Variants in ROBO2 observed in about 807,000 individuals in gnomAD.
ROBO2 encodes roundabout homolog 2.
Under a neutral mutation model 160.8 loss-of-function variants are expected in ROBO2, and 53 were observed. The ratio of observed to expected loss-of-function variants is 0.33; its 90% confidence interval spans 0.26 to 0.41. The LOEUF (loss-of-function observed/expected upper bound fraction) is 0.41. Among genes scored for constraint, ROBO2 ranks in the 10% least tolerant of loss-of-function variants. The pLI is 1.00. For synonymous variants in ROBO2, 664 were observed against 611.7 expected, an observed-to-expected ratio of 1.09 and a Z score of -1.26; for missense variants, 1,577 against 1,722.4, an observed-to-expected ratio of 0.92 and a Z score of 1.49.
At chr3:76,454,046 A>G (rs2077618618) in intron 2 of ROBO2, among the ~76,000 whole-genome samples, 3 of 152,176 alleles carry the variant, frequency 2.0e-5, no homozygotes, top group Admixed American at 2.0e-4. Context: ...AGACACTAAA[A>G]TTGATGCAGA....
At chr3:77,219,432 GTGTATATA>G (rs374558025) in intron 2 of ROBO2, among the ~76,000 whole-genome samples, 114 of 76,764 alleles carry the variant, frequency 1.5e-3, no homozygotes, top group African/African-American at 5.0e-3. Context: ...GTGTATGTGT[GTGTATATA>G]TATATATATA....
At chr3:76,923,745 C>G (rs890559846) in intron 2 of ROBO2, among the ~76,000 whole-genome samples, 1 of 152,204 alleles carries the variant, frequency 6.6e-6, no homozygotes, top group African/African-American at 2.4e-5. Flanking sequence ...TGCTGACAGC[C>G]TGAAACTGAG....
At chr3:77,326,284 T>G (rs1189049161) in intron 2 of ROBO2, among the ~76,000 whole-genome samples, 1 of 152,208 alleles carries the variant, frequency 6.6e-6, no homozygotes, top group African/African-American at 2.4e-5. Flanking sequence ...AATTTTGTGA[T>G]TAATAATCTC....
At chr3:76,218,833 C>G (rs1703749407) in intron 2 of ROBO2, among the ~76,000 whole-genome samples, 1 of 151,958 alleles carries the variant, frequency 6.6e-6, no homozygotes, top group South Asian at 2.1e-4. Flanking sequence ...CATATGGAAC[C>G]AAAAAGAGCC....
intron 1 of ROBO2, among the ~76,000 whole-genome samples, chr3:77,093,211 C>T (rs1472956350): frequency 6.6e-6 from 1 of 152,098 alleles, no homozygotes; most frequent in African/African-American, 2.4e-5. Context: ...TTCAGATATG[C>T]TGGTATGGGC....
At chr3:76,234,488 A>G (rs1401142938) in intron 2 of ROBO2, among the ~76,000 whole-genome samples, 1 of 152,188 alleles carries the variant, frequency 6.6e-6, no homozygotes, top group Non-Finnish European at 1.5e-5. Flanking sequence ...CAAACCTAAC[A>G]GGTTTTCACC....
chr3:76,387,008 A>G (rs1475261152), intron 2 of ROBO2, among the ~76,000 whole-genome samples: 1 of 152,192 alleles, frequency 6.6e-6, no homozygotes, highest in African/African-American at 2.4e-5. Context: ...ATTTTATATG[A>G]TAGAGATCTG....
chr3:76,127,375 A>C (rs2071029343), intron 2 of ROBO2, among the ~76,000 whole-genome samples: 1 of 152,060 alleles, frequency 6.6e-6, no homozygotes, highest in African/African-American at 2.4e-5. Flanking sequence ...ATATAAGTCT[A>C]AATTTTTTTG....
chr3:76,308,282 C>T (rs1460970003), intron 2 of ROBO2, among the ~76,000 whole-genome samples: 1 of 142,436 alleles, frequency 7.0e-6, no homozygotes, highest in Non-Finnish European at 1.5e-5. Context: ...GAGGCTGAGG[C>T]AGAAGAATCG....
At chr3:76,720,740 TAG>T (rs1560441618) in intron 2 of ROBO2, among the ~76,000 whole-genome samples, 1 of 152,200 alleles carries the variant, frequency 6.6e-6, no homozygotes, top group Non-Finnish European at 1.5e-5. Context: ...CCAATTAAAA[TAG>T]AGATTTAGGA....
In ROBO2 at chr3:76,641,020, C is replaced by T. The variant is rs1283579015; in HGVS notation, c.110-456994C>T. On this transcript the variant is annotated intron_variant, in intron 2 of 26. Transcript: ENST00000487694. The stretch of plus-strand genomic sequence containing the variant: ...ATATGTAAATGCAGAATAATTAACT[C>T]TTCCTTATAAAAATATTCTAATCAA... Among the ~76,000 whole-genome samples the T allele has an allele frequency of 2.0e-5, 3 of 152,128 alleles. No individual in the cohort carries two copies. In the East Asian group the frequency reaches 5.8e-4, roughly 29 times the overall value.
intron 9 of ROBO2, among the ~76,000 whole-genome samples, chr3:77,560,084 G>A (rs1044928547): frequency 6.6e-6 from 1 of 152,034 alleles, no homozygotes; most frequent in African/African-American, 2.4e-5. Flanking sequence ...TGAATTAAAG[G>A]GTATGCTTGA....
At chr3:77,309,802 G>A (rs1288478092) in intron 2 of ROBO2, among the ~76,000 whole-genome samples, 2 of 152,152 alleles carry the variant, frequency 1.3e-5, no homozygotes, top group Admixed American at 1.3e-4. Context: ...CCACATTTGT[G>A]TCTGTGATAC....
intron 2 of ROBO2, among the ~76,000 whole-genome samples, chr3:77,360,084 A>T (rs2069710379): frequency 6.6e-6 from 1 of 152,182 alleles, no homozygotes. Context: ...GCTAGGGATG[A>T]AATCCCCTAA....
intron 2 of ROBO2, among the ~76,000 whole-genome samples, chr3:76,054,774 G>A (rs1489042633): frequency 6.6e-6 from 1 of 152,130 alleles, no homozygotes; most frequent in Non-Finnish European, 1.5e-5. Flanking sequence ...TATTTTACCA[G>A]GGAAAGTTGG....
At chr3:77,433,502 A>G (rs1455485061) in intron 2 of ROBO2, among the ~76,000 whole-genome samples, 1 of 110,882 alleles carries the variant, frequency 9.0e-6, no homozygotes, top group Non-Finnish European at 1.8e-5. Flanking sequence ...ATATATATAT[A>G]TATATATATA....
intron 1 of ROBO2, among the ~76,000 whole-genome samples, chr3:77,055,918 A>G (rs2065697287): frequency 6.6e-6 from 1 of 152,214 alleles, no homozygotes; most frequent in African/African-American, 2.4e-5. Context: ...TAGTTGTGAA[A>G]TGCAATAAAT....
chr3:76,855,325 A>G (rs180803013), intron 2 of ROBO2, among the ~76,000 whole-genome samples: 1 of 152,280 alleles, frequency 6.6e-6, no homozygotes, highest in East Asian at 1.9e-4. Flanking sequence ...GAGATTTTAC[A>G]TATCACCTAG....
At chr3:76,392,692 T>G (rs1259033230) in intron 2 of ROBO2, among the ~76,000 whole-genome samples, 1 of 152,146 alleles carries the variant, frequency 6.6e-6, no homozygotes, top group Non-Finnish European at 1.5e-5. Flanking sequence ...AGAATAATAG[T>G]CATTTTTTGT....
Sources: allele counts gnomAD v4.1 joint callset (sites outside exome capture counted in the v4.1 genomes callset), GRCh38; gene constraint gnomAD v4.1.1; transcripts MANE v1.5; gene names NCBI Gene and HGNC (gene_info 2026-07-23, HGNC 2026-07-21).